The following MAP3K5 variants were observed in gnomAD, a reference collection of about 807,000 sequenced individuals.
MAP3K5 encodes the protein ASK-1.
In MAP3K5, 56 loss-of-function variants were observed where a neutral mutation model predicts 158.7. The ratio of observed to expected loss-of-function variants is 0.35; its 90% CI spans 0.28 to 0.44. MAP3K5 has a LOEUF of 0.44. Among genes scored for constraint, MAP3K5 ranks in the 20% least tolerant of loss-of-function variants. The pLI is 1.00. For missense variants in MAP3K5, 1,294 were observed against 1,674.8 expected (o/e 0.77, Z 3.97); for synonymous variants, 579 against 601.7 (o/e 0.96, Z 0.55).
At chr6:136,757,977 T>C (rs1783581476) in intron 1 of MAP3K5, among the ~76,000 whole-genome samples, 1 of 152,160 alleles carries the variant, frequency 6.6e-6, no homozygotes, top group South Asian at 2.1e-4. Flanking sequence ...AGTGGCAAAG[T>C]GGTAATAGGA....
rs114568636 is a variant in MAP3K5, at chr6:136,609,149, C to T, written c.2521+2133G>A. On this transcript the variant is annotated intron_variant, in intron 18 of 29. Transcript: ENST00000359015. This position sits in a 1 kb window ranked among gnomAD's most constrained non-coding sequence, Gnocchi z 4.4. ...AGAAGATACTGTGTTAACATCCTGTCCCACAAAGTGTGTGAAACGAGGGAT... is the reference window on the plus strand; with the variant it reads ...AGAAGATACTGTGTTAACATCCTGTTCCACAAAGTGTGTGAAACGAGGGAT... Among the ~76,000 whole-genome samples the T allele has an allele frequency of 3.2e-3, 482 of 152,296 alleles. 1 individual carries two copies. The highest frequency in any genetic ancestry group is 0.011 in the African/African-American group (460 of 41,558).
chr6:136,764,923 G>A (rs578038991), intron 1 of MAP3K5, among the ~76,000 whole-genome samples: 36 of 152,258 alleles, frequency 2.4e-4, no homozygotes, highest in African/African-American at 8.4e-4. Flanking sequence ...GTGACTCTGC[G>A]GGGTCAATTC....
At chr6:136,662,045 T>TG (rs1272470362) in intron 8 of MAP3K5, among the ~76,000 whole-genome samples, 1 of 152,254 alleles carries the variant, frequency 6.6e-6, no homozygotes, top group Non-Finnish European at 1.5e-5. Context: ...CAAATGCAGA[T>TG]GGGTGGCCAT....
At chr6:136,599,367 G>A (rs1775778868) in intron 21 of MAP3K5, among the ~76,000 whole-genome samples, 1 of 152,082 alleles carries the variant, frequency 6.6e-6, no homozygotes, top group South Asian at 2.1e-4. Context: ...ACGGCGAAAG[G>A]GCAGTGGGAA....
intron 7 of MAP3K5, among the ~76,000 whole-genome samples, chr6:136,688,233 C>G (rs934371809): frequency 3.3e-5 from 5 of 151,962 alleles, no homozygotes; most frequent in African/African-American, 4.8e-5. Context: ...AACACATGGA[C>G]ACAGGGAGGG....
chr6:136,590,383 T>C (rs896331160), intron 23 of MAP3K5, among the ~76,000 whole-genome samples: 1 of 152,228 alleles, frequency 6.6e-6, no homozygotes, highest in Non-Finnish European at 1.5e-5. Flanking sequence ...TTTGTTTTCT[T>C]CAGAGTACAT....
chr6:136,605,420 C>T, intron 18 of MAP3K5, 54 bp from the exon 19 acceptor site: 5 of 1,460,928 alleles, frequency 3.4e-6, no homozygotes, highest in Non-Finnish European at 4.6e-6. Context: ...AGAAGGGTAT[C>T]TAATGACAGT....
At chr6:136,727,804 C>G (rs866146526) in intron 1 of MAP3K5, among the ~76,000 whole-genome samples, 5 of 150,934 alleles carry the variant, frequency 3.3e-5, no homozygotes, top group Non-Finnish European at 5.9e-5. Context: ...ACTAAAAATA[C>G]AAAAAAAATT....
At chr6:136,748,642 AAATT>A (rs1402534718) in intron 1 of MAP3K5, among the ~76,000 whole-genome samples, 1 of 152,268 alleles carries the variant, frequency 6.6e-6, no homozygotes, top group African/African-American at 2.4e-5. Context: ...AGATGCAATT[AAATT>A]ACAGAATTTA....
At chr6:136,563,746 C>T (rs1294649385) in intron 26 of MAP3K5, among the ~76,000 whole-genome samples, 1 of 152,188 alleles carries the variant, frequency 6.6e-6, no homozygotes, top group African/African-American at 2.4e-5. Flanking sequence ...AAAAGAGGTG[C>T]TCTAATTTTT....
Position 136,696,074 on chromosome 6 carries a change from G to A in MAP3K5, c.976-17C>T, listed in dbSNP as rs758099285. The A allele has an allele frequency of 7.2e-7, 1 of 1,385,102 alleles. No homozygotes were observed. The highest frequency in any genetic ancestry group is 2.3e-5 in the East Asian group (1 of 43,610). The allele number at this position is 1,385,102 out of a possible 1,614,324, so 85.8% of individuals were successfully genotyped here. ...ATCATAGTCCTTTCAAATTAGATGA[G>A]AATAGCACAGAATTAAACCATTAGG... On this transcript the variant is annotated splice_polypyrimidine_tract_variant and intron_variant, in intron 5 of 29. Transcript: ENST00000359015.
rs1219679389 is a variant in MAP3K5 at position 136,592,634 on chromosome 6, G to A, written c.2879-20C>T. 6.2e-7 allele frequency: 1 copy of A among 1,603,772 alleles called. No homozygotes were observed. Among genetic ancestry groups the A allele is most frequent in the African/African-American group, 1.3e-5 (1 of 74,534 alleles). On this transcript the variant is annotated intron_variant, in intron 21 of 29. Coordinates refer to ENST00000359015, the MANE Select transcript of MAP3K5 (RefSeq NM_005923.4). ...GATATTCTGCTTGTGATGAGAGGAG[G>A]GAAAAGATAATTGACACTTTAAAAA...
intron 23 of MAP3K5, among the ~76,000 whole-genome samples, chr6:136,589,327 C>T (rs1488804592): frequency 2.6e-5 from 4 of 152,098 alleles, no homozygotes; most frequent in East Asian, 1.9e-4. Context: ...GTAGAGGCCA[C>T]GGCAAGGGAG....
chr6:136,764,463 A>G (rs1311874324), intron 1 of MAP3K5, among the ~76,000 whole-genome samples: 1 of 152,208 alleles, frequency 6.6e-6, no homozygotes, highest in Admixed American at 6.5e-5. Context: ...ACTGAGGCCC[A>G]ACAGCCCACA....
At chr6:136,589,093 T>C (rs541238080) in intron 23 of MAP3K5, among the ~76,000 whole-genome samples, 1 of 151,886 alleles carries the variant, frequency 6.6e-6, no homozygotes, top group South Asian at 2.1e-4. Flanking sequence ...GCACAGTGAG[T>C]TTCTCAAGGC....
At chr6:136,725,103 T>C (rs530518099) in intron 1 of MAP3K5, among the ~76,000 whole-genome samples, 1 of 152,360 alleles carries the variant, frequency 6.6e-6, no homozygotes, top group Admixed American at 6.5e-5. Context: ...TAGATGTCCA[T>C]TCACAGGTTT....
intron 21 of MAP3K5, among the ~76,000 whole-genome samples, chr6:136,596,953 G>A (rs1053497160): frequency 5.3e-5 from 8 of 152,178 alleles, no homozygotes; most frequent in Non-Finnish European, 7.3e-5. Context: ...GCTCATACAC[G>A]TGAGTGATTG....
chr6:136,779,756 T>C (rs919266702), intron 1 of MAP3K5, among the ~76,000 whole-genome samples: 1 of 152,214 alleles, frequency 6.6e-6, no homozygotes, highest in Non-Finnish European at 1.5e-5. Flanking sequence ...ACCACAGGCA[T>C]ACCACTGGCA....
intron 1 of MAP3K5, among the ~76,000 whole-genome samples, chr6:136,751,219 C>G (rs1389155252): frequency 6.6e-6 from 1 of 151,190 alleles, no homozygotes; most frequent in African/African-American, 2.4e-5. Flanking sequence ...GCCCATTATC[C>G]TGAACCTTCC....
Sources: allele counts gnomAD v4.1 joint callset (sites outside exome capture counted in the v4.1 genomes callset), GRCh38; gene constraint gnomAD v4.1.1; non-coding constraint Gnocchi (gnomAD v3.1); transcripts MANE v1.5; gene names NCBI Gene and HGNC (gene_info 2026-07-23, HGNC 2026-07-21).